TBX5: variants seen among roughly 807,000 people sequenced by gnomAD.
TBX5 encodes T-box transcription factor TBX5.
Under a neutral mutation model 51.1 loss-of-function variants are expected in TBX5, and 8 were observed. That is an observed-to-expected ratio of 0.16 (90% CI 0.09 to 0.28). The LOEUF is 0.28. Ranked by LOEUF, TBX5 falls within the 10% of genes least tolerant of loss-of-function variation. The pLI is 1.00. For missense variants in TBX5, 589 were observed against 671.7 expected, an observed-to-expected ratio of 0.88 and a Z score of 1.36; for synonymous variants, 302 against 266.4, an observed-to-expected ratio of 1.13 and a Z score of -1.30.
intron 7 of TBX5, among the ~76,000 whole-genome samples, chr12:114,384,800 C>T (rs1014087039): frequency 1.3e-5 from 2 of 151,622 alleles, no homozygotes; most frequent in African/African-American, 4.8e-5. Flanking sequence ...TTCTAATTCG[C>T]TTGCCATATG....
chr12:114,390,756 A>C (rs1019345494), intron 6 of TBX5, among the ~76,000 whole-genome samples: 1 of 152,234 alleles, frequency 6.6e-6, no homozygotes, highest in African/African-American at 2.4e-5. Context: ...TTGTTGCAAG[A>C]ACAGGGAAAT....
chr12:114,391,389 C>T (rs1268870724), intron 6 of TBX5, among the ~76,000 whole-genome samples: 4 of 152,032 alleles, frequency 2.6e-5, no homozygotes, highest in South Asian at 4.1e-4. Context: ...AAGAGTTTTC[C>T]GAAGTCTGTG....
chr12:114,355,637 G>T lies in TBX5; in HGVS notation c.1452C>A (p.Pro484=), dbSNP rs1413308111. ...TGLQSPGTLQ[P]PEFLYSHGVP... is the part of the protein sequence containing the mutation. ...CGCCATGAGAGTAGAGGAACTCAGG[G>T]GGCTGAAGGGTGCCAGGGGACTGCA... Residue 484 remains proline, a synonymous_variant, in exon 9 of 9, where the codon CCC becomes CCA. Transcript: ENST00000405440. The T allele has an allele frequency of 6.2e-7, 1 of 1,614,182 alleles. No homozygotes were observed. Among genetic ancestry groups the T allele is most frequent in the Admixed American group, 1.7e-5 (1 of 60,026 alleles).
At chr12:114,381,826 C>A (rs570217538) in intron 7 of TBX5, among the ~76,000 whole-genome samples, 1 of 152,188 alleles carries the variant, frequency 6.6e-6, no homozygotes, top group African/African-American at 2.4e-5. Context: ...CTCATCTACT[C>A]CCCCAACTTC....
chr12:114,376,660 A>G (rs951020754), intron 7 of TBX5, among the ~76,000 whole-genome samples: 5 of 150,312 alleles, frequency 3.3e-5, no homozygotes, highest in Non-Finnish European at 5.9e-5. Flanking sequence ...TTATATATAT[A>G]TATTAAAATA....
chr12:114,355,871 G>C lies in TBX5; in HGVS notation c.1218C>G (p.Ser406=). The part of the protein sequence containing the change: ...ISCNTWPSMP[S]YSSCTVTTVQ... ...CGGTGGTGACGGTGCAGCTGCTGTA[G>C]GAAGGCATGCTTGGCCACGTGTTGC... The change falls in exon 9 of 9, where the codon TCC becomes TCG. Residue 406 remains serine, a synonymous_variant. Coordinates refer to ENST00000405440, the MANE Select transcript of TBX5 (RefSeq NM_181486.4). 1.9e-6 allele frequency: 3 copies of C among 1,613,716 alleles called. No homozygotes were observed. The highest frequency in any genetic ancestry group is 2.5e-6 in the Non-Finnish European group (3 of 1,180,024).
rs181069109 is a variant in TBX5 at position 114,405,897 on chromosome 12, C to T, written c.-308G>A. On this transcript the variant is annotated 5_prime_UTR_variant, in exon 1 of 9. Coordinates refer to ENST00000405440, the MANE Select transcript of TBX5 (RefSeq NM_181486.4). ...CAAGCGCCAAAGAACACAAAATAGC[C>T]TCCAAGAGCACCGGCAACCATATAA... The T allele has an allele frequency of 2.5e-4, 251 of 985,562 alleles. 2 individuals are homozygous for T. Among genetic ancestry groups the T allele is most frequent in the Non-Finnish European group, 1.7e-4 (138 of 830,060 alleles). 61.1% of individuals were successfully genotyped at this position (985,562 alleles called of 1,614,324 possible). A position where few individuals can be genotyped will look rare whatever the true frequency, so the allele number is the denominator to read the frequency against.
At position 114,355,455 on chromosome 12, in the gene TBX5, T is replaced by C. The variant is rs28730761; in HGVS notation, c.*77A>G. The C allele has an allele frequency of 0.1, 159,422 of 1,557,412 alleles. 9,127 individuals are homozygous for C. The highest frequency in any genetic ancestry group is 0.11 in the Non-Finnish European group (127,731 of 1,141,128). On this transcript the variant is annotated 3_prime_UTR_variant, in exon 9 of 9. Coordinates refer to ENST00000405440, the MANE Select transcript of TBX5 (RefSeq NM_181486.4). The stretch of plus-strand genomic sequence containing the variant: ...TTGTCCGTGGGGTTCTCTTGGCTAC[T>C]GTCTCTCTCCTTCTCTCTCTTTCTC...
rs1565943407 is a variant in TBX5 at position 114,403,892 on chromosome 12, C to T, written c.7G>A (p.Asp3Asn). 6.2e-7 allele frequency: 1 copy of T among 1,612,360 alleles called. No individual in the cohort carries two copies. The highest frequency in any genetic ancestry group is 1.1e-5 in the South Asian group (1 of 91,050). Residue 3 changes from aspartate (D) to asparagine (N), a missense_variant, in exon 2 of 9, where the codon GAC (aspartate) becomes AAC (asparagine). This residue lies in a region of TBX5 where 101 missense variants were observed against 83.3 expected (regional missense o/e 1.21). Transcript: ENST00000405440. MA[D>N]ADEGFGLAHT... ...GCCAGGCCAAAGCCCTCGTCTGCGT[C>T]GGCCATGGTGCGCCCAGGGCCCTGT...
chr12:114,382,923 C>T (rs1242498573), intron 7 of TBX5, among the ~76,000 whole-genome samples: 1 of 149,120 alleles, frequency 6.7e-6, no homozygotes, highest in Non-Finnish European at 1.5e-5. Flanking sequence ...GCTGCAGAGA[C>T]CTGAGATCGT....
upstream of TBX5, chr12:114,407,941 A>G (rs1872329416): frequency 1.0e-6 from 1 of 985,284 alleles, no homozygotes; most frequent in Non-Finnish European, 1.2e-6. Context: ...TCTTCTTCCA[A>G]CGTCTGTCAA....
At chr12:114,362,822 T>G (rs938734068) in intron 8 of TBX5, among the ~76,000 whole-genome samples, 4 of 152,154 alleles carry the variant, frequency 2.6e-5, no homozygotes, top group Admixed American at 2.0e-4. Flanking sequence ...TGTGCCAACA[T>G]GCCAGACTAA....
chr12:114,396,032 C>T (rs56001013), intron 5 of TBX5, among the ~76,000 whole-genome samples: 6,456 of 152,216 alleles, frequency 0.042, 196 homozygotes, highest in South Asian at 0.067. Context: ...CCGGGAACTG[C>T]GGAGGTTGTC....
Position 114,355,219 on chromosome 12 carries a change from G to C in TBX5, c.*313C>G. On this transcript the variant is annotated 3_prime_UTR_variant, in exon 9 of 9. Transcript: ENST00000405440. ...CTTTCTAGAGCCCAAAAGAAGGAATGGGGGAAGAGATCTGGGGAGTAGCGT... is the reference window on the plus strand; with the variant it reads ...CTTTCTAGAGCCCAAAAGAAGGAATCGGGGAAGAGATCTGGGGAGTAGCGT... 2 of 428,328 alleles carry C rather than the reference G, an allele frequency of 4.7e-6. No homozygotes were observed. Among genetic ancestry groups the C allele is most frequent in the Non-Finnish European group, 8.8e-6 (2 of 228,544 alleles). 26.5% of individuals were successfully genotyped at this position (428,328 alleles called of 1,614,324 possible).
intron 7 of TBX5, among the ~76,000 whole-genome samples, chr12:114,377,273 C>A (rs1279992537): frequency 6.6e-6 from 1 of 152,124 alleles, no homozygotes; most frequent in Non-Finnish European, 1.5e-5. Context: ...GAAAAATGAT[C>A]ATTTGAGGTT....
intron 6 of TBX5, among the ~76,000 whole-genome samples, chr12:114,387,028 C>A (rs1395378213): frequency 6.6e-6 from 1 of 151,950 alleles, no homozygotes; most frequent in African/African-American, 2.4e-5. Context: ...ATCACTTGAA[C>A]CCAGGCGGCA....
At chr12:114,389,221 C>G (rs1001739359) in intron 6 of TBX5, among the ~76,000 whole-genome samples, 1 of 152,080 alleles carries the variant, frequency 6.6e-6, no homozygotes, top group Non-Finnish European at 1.5e-5. Context: ...AGCCACCACG[C>G]TTGGCCTCAG....
Position 114,403,882 on chromosome 12 carries a change from T to G in TBX5, c.17A>C (p.Glu6Ala). 1 of 1,612,872 alleles carries G rather than the reference T, an allele frequency of 6.2e-7. No individual in the cohort carries two copies. Among genetic ancestry groups the G allele is most frequent in the Non-Finnish European group, 8.5e-7 (1 of 1,179,866 alleles). Residue 6 changes from glutamate (E) to alanine (A), a missense_variant, in exon 2 of 9, where the codon GAG becomes GCG. By Grantham distance (107) the Glu-to-Ala change is moderately radical. Around this residue, in one of 7 missense-constraint regions of TBX5, gnomAD observed 101 missense variants for 83.3 expected, o/e 1.21. Coordinates refer to ENST00000405440, the MANE Select transcript of TBX5 (RefSeq NM_181486.4). Reference protein sequence around the residue: MADADEGFGLAHTPLE... With the variant: MADADAGFGLAHTPLE... Reference sequence around the variant, plus strand: ...AGGCGTGTGCGCCAGGCCAAAGCCCTCGTCTGCGTCGGCCATGGTGCGCCC... The same window carrying G: ...AGGCGTGTGCGCCAGGCCAAAGCCCGCGTCTGCGTCGGCCATGGTGCGCCC...
At chr12:114,364,756 C>T (rs1267954529) in intron 8 of TBX5, among the ~76,000 whole-genome samples, 1 of 152,202 alleles carries the variant, frequency 6.6e-6, no homozygotes, top group Non-Finnish European at 1.5e-5. Context: ...CTACTGCGTA[C>T]TTGCTAACTA....
Sources: gnomAD v4.1 joint callset for allele counts (sites outside exome capture counted in the v4.1 genomes callset) on GRCh38, gnomAD v4.1.1 for gene constraint, gnomAD v4.1.1 regional missense constraint, MANE v1.5 for transcripts, NCBI Gene and HGNC (gene_info 2026-07-23, HGNC 2026-07-21) for gene names.